The following DNAAF6 variants were observed in gnomAD, a reference collection of about 807,000 sequenced individuals.
DNAAF6 encodes the protein PIH1 domain containing 3.
A neutral mutation model predicts 13.7 loss-of-function variants in DNAAF6; 3 were observed. The ratio of observed to expected loss-of-function variants is 0.22; its 90% CI spans 0.10 to 0.56. The LOEUF (loss-of-function observed/expected upper bound fraction) is 0.56, where lower values mean the gene tolerates loss of function less well. Ranked by LOEUF, DNAAF6 falls within the 20% of genes least tolerant of loss-of-function variation. The pLI is 0.92. For missense variants in DNAAF6, 130 were observed against 151.0 expected (o/e 0.86, Z 0.73); for synonymous variants, 54 against 49.2 (o/e 1.10, Z -0.41).
intron 3 of DNAAF6, among the ~76,000 whole-genome samples, chrX:107,217,112 G>A (rs907615175): frequency 9.0e-6 from 1 of 111,366 alleles, no homozygotes; most frequent in African/African-American, 3.2e-5. Flanking sequence ...ATGATGAATA[G>A]CCATTTACAT....
intron 1 of DNAAF6, among the ~76,000 whole-genome samples, chrX:107,210,019 C>T (rs985545331): frequency 9.0e-6 from 1 of 111,091 alleles, no homozygotes; most frequent in Admixed American, 9.6e-5. Flanking sequence ...CTTTTTCAGC[C>T]CCTGACTGGC....
chrX:107,206,833 C>T (rs1927713136), intron 1 of DNAAF6, 143 bp downstream of exon 1: 1 of 111,311 alleles, frequency 9.0e-6, no homozygotes. Context: ...GGAGAAGACC[C>T]GTTCCCTAAA....
chrX:107,222,741 TCAGG>T lies in DNAAF6; in HGVS notation c.333-3_333del. On this transcript the variant is annotated splice_acceptor_variant and splice_polypyrimidine_tract_variant and coding_sequence_variant and intron_variant, in exon 5 of 7. Coordinates refer to ENST00000372453, the MANE Select transcript of DNAAF6 (RefSeq NM_173494.2). LOFTEE classifies it high-confidence loss of function. ...AGTCCCTATAATCATTGATTTTTTTTCAGGTATGAGATTATATTCAGACAGCAGG... is the reference window on the plus strand; with the variant it reads ...AGTCCCTATAATCATTGATTTTTTTTTATGAGATTATATTCAGACAGCAGG... 1 of 1,192,132 alleles carries T rather than the reference TCAGG, an allele frequency of 8.4e-7. No individual in the cohort carries two copies.
chrX:107,242,190 C>T (rs994140407), intron 6 of DNAAF6, among the ~76,000 whole-genome samples: 1 of 111,866 alleles, frequency 8.9e-6, no homozygotes, highest in Middle Eastern at 4.6e-3. Flanking sequence ...GAAAATTTAT[C>T]CTTCAGGTTC....
At chrX:107,215,767 T>G (rs974890571) in intron 2 of DNAAF6, among the ~76,000 whole-genome samples, 1 of 111,544 alleles carries the variant, frequency 9.0e-6, no homozygotes, top group East Asian at 2.8e-4. Flanking sequence ...AAAAGAGAGA[T>G]AGAGGTGCTA....
chrX:107,218,785 C>G, intron 3 of DNAAF6, 79 bp from the exon 4 acceptor site: 1 of 967,291 alleles, frequency 1.0e-6, no homozygotes. Flanking sequence ...TGAACCCAAA[C>G]TGAGTGTGAA....
At chrX:107,229,952 G>T (rs1928351232) in intron 5 of DNAAF6, among the ~76,000 whole-genome samples, 1 of 111,395 alleles carries the variant, frequency 9.0e-6, no homozygotes, top group Admixed American at 9.5e-5. Flanking sequence ...CTCCCAAAGT[G>T]CTGGGATTAC....
At chrX:107,242,525 A>G (rs1928645639) in intron 6 of DNAAF6, among the ~76,000 whole-genome samples, 1 of 112,810 alleles carries the variant, frequency 8.9e-6, no homozygotes, top group Non-Finnish European at 1.9e-5. Context: ...GATTCATGCC[A>G]ATATGGCAGA....
At chrX:107,208,337 G>T (rs1341396925) in intron 1 of DNAAF6, among the ~76,000 whole-genome samples, 1 of 109,161 alleles carries the variant, frequency 9.2e-6, no homozygotes, top group Non-Finnish European at 1.9e-5. Flanking sequence ...GGAGGCTGAG[G>T]TGGGAAGATT....
intron 2 of DNAAF6, among the ~76,000 whole-genome samples, chrX:107,213,520 G>A (rs184210772): frequency 2.7e-5 from 3 of 112,011 alleles, no homozygotes. Context: ...ACCAAAATTG[G>A]CTTCCCAGTA....
chrX:107,222,426 C>CT (rs959169360), intron 4 of DNAAF6, among the ~76,000 whole-genome samples: 2 of 111,283 alleles, frequency 1.8e-5, no homozygotes, highest in Non-Finnish European at 3.8e-5. Context: ...ACAGACTTTC[C>CT]TTTTTTTTCT....
intron 5 of DNAAF6, among the ~76,000 whole-genome samples, chrX:107,226,272 C>T (rs1159217725): frequency 1.8e-5 from 2 of 111,984 alleles, no homozygotes; most frequent in South Asian, 3.7e-4. Context: ...TTAAACCCCA[C>T]GAGTGGAAGG....
At chrX:107,229,359 C>G (rs1928332935) in intron 5 of DNAAF6, among the ~76,000 whole-genome samples, 1 of 107,927 alleles carries the variant, frequency 9.3e-6, no homozygotes, top group Non-Finnish European at 1.9e-5. Context: ...CTCCTGGCCT[C>G]AAGTGATCTG....
intron 1 of DNAAF6, among the ~76,000 whole-genome samples, chrX:107,208,662 C>T (rs1249082178): frequency 4.6e-5 from 5 of 108,180 alleles, no homozygotes; most frequent in African/African-American, 1.0e-4. Context: ...CTCAGCCACC[C>T]GAGGAGATGG....
rs1400645709 is a variant in DNAAF6, at chrX:107,243,455, T to C, written c.*157T>C. 1 of 702,968 alleles carries C rather than the reference T, an allele frequency of 1.4e-6. No individual in the cohort carries two copies. The highest frequency in any genetic ancestry group is 2.0e-6 in the Non-Finnish European group (1 of 506,313). The allele number at this position is 702,968 out of a possible 1,213,427, so 57.9% of individuals were successfully genotyped here. A position where few individuals can be genotyped will look rare whatever the true frequency, so the allele number is the denominator to read the frequency against. ...GTGATATTGTGACCATTTACAGTAATTTCTATTACTCTGTTAGGAAATATG... is the reference window on the plus strand; with the variant it reads ...GTGATATTGTGACCATTTACAGTAACTTCTATTACTCTGTTAGGAAATATG... On this transcript the variant is annotated 3_prime_UTR_variant, in exon 7 of 7. Transcript: ENST00000372453.
chrX:107,227,586 A>G (rs1928283732), intron 5 of DNAAF6, among the ~76,000 whole-genome samples: 1 of 109,289 alleles, frequency 9.2e-6, no homozygotes, highest in South Asian at 4.0e-4. Flanking sequence ...CTGTACTATG[A>G]TTCCTTATTG....
chrX:107,216,156 T>C (rs1335797350), intron 2 of DNAAF6, among the ~76,000 whole-genome samples: 1 of 112,009 alleles, frequency 8.9e-6, no homozygotes, highest in East Asian at 2.8e-4. Flanking sequence ...AAGTGTTTCA[T>C]ACCTATAGTG....
At chrX:107,209,838 T>C (rs1040914676) in intron 1 of DNAAF6, among the ~76,000 whole-genome samples, 8 of 112,462 alleles carry the variant, frequency 7.1e-5, no homozygotes, top group African/African-American at 2.6e-4. Context: ...TTTTCACTAA[T>C]TTAACCTAGA....
intron 5 of DNAAF6, among the ~76,000 whole-genome samples, chrX:107,236,793 A>C (rs976873132): frequency 4.5e-5 from 5 of 112,338 alleles, no homozygotes; most frequent in Non-Finnish European, 5.6e-5. Flanking sequence ...TTCAGACTAA[A>C]GAAACAAATA....
Sources: gnomAD v4.1 joint callset for allele counts (sites outside exome capture counted in the v4.1 genomes callset) on GRCh38, gnomAD v4.1.1 for gene constraint, MANE v1.5 for transcripts, NCBI Gene and HGNC (gene_info 2026-07-23, HGNC 2026-07-21) for gene names.